Variants in EPB41L4A observed in about 807,000 individuals in gnomAD.
EPB41L4A encodes the protein band 4.1-like protein 4A.
Under a neutral mutation model 108.6 loss-of-function variants are expected in EPB41L4A, and 100 were observed. That is an observed-to-expected ratio of 0.92 (90% CI 0.78 to 1.09). The LOEUF is 1.09. Among genes scored for constraint, EPB41L4A ranks in the 50% least tolerant of loss-of-function variants. EPB41L4A has a pLI of 0.00. For synonymous variants in EPB41L4A, 319 were observed against 289.0 expected, an observed-to-expected ratio of 1.10 and a Z score of -1.05; for missense variants, 1,030 against 842.7, an observed-to-expected ratio of 1.22 and a Z score of -2.75.
intron 1 of EPB41L4A, among the ~76,000 whole-genome samples, chr5:112,407,856 A>T (rs1762159660): frequency 6.6e-6 from 1 of 152,246 alleles, no homozygotes; most frequent in East Asian, 1.9e-4. Context: ...ATATTTACTG[A>T]GCACCACCAC....
chr5:112,150,316 G>A (rs1759416480), intron 12 of EPB41L4A, among the ~76,000 whole-genome samples: 1 of 152,042 alleles, frequency 6.6e-6, no homozygotes, highest in Non-Finnish European at 1.5e-5. Context: ...TGGGCAACAA[G>A]TGACAGTCAG....
intron 1 of EPB41L4A, among the ~76,000 whole-genome samples, chr5:112,412,824 T>G (rs1762489990): frequency 6.6e-6 from 1 of 152,240 alleles, no homozygotes; most frequent in East Asian, 1.9e-4. Flanking sequence ...ATCTCTGACT[T>G]GTCATGTTTA....
At chr5:112,354,390 A>G (rs1454810208) in intron 1 of EPB41L4A, among the ~76,000 whole-genome samples, 3 of 152,122 alleles carry the variant, frequency 2.0e-5, no homozygotes, top group Admixed American at 2.0e-4. Flanking sequence ...AATAAGTAAT[A>G]AAGGGAAAAT....
intron 1 of EPB41L4A, among the ~76,000 whole-genome samples, chr5:112,389,238 T>C (rs995122744): frequency 1.3e-5 from 2 of 151,280 alleles, no homozygotes; most frequent in African/African-American, 4.9e-5. Context: ...TTTTAAATAT[T>C]TTTTAATGTA....
downstream of EPB41L4A, among the ~76,000 whole-genome samples, chr5:112,159,648 T>TGCATAACCGCC (rs1412597846): frequency 6.6e-6 from 1 of 152,204 alleles, no homozygotes; most frequent in Non-Finnish European, 1.5e-5. Flanking sequence ...CTCCAGATCT[T>TGCATAACCGCC]GCATAACCGC....
chr5:112,298,063 T>A (rs1754121376), intron 2 of EPB41L4A, among the ~76,000 whole-genome samples: 1 of 152,198 alleles, frequency 6.6e-6, no homozygotes, highest in Admixed American at 6.5e-5. Flanking sequence ...GGTAATATGA[T>A]GCCTCCAGCT....
intron 6 of EPB41L4A, 43 bp from the exon 7 acceptor site, chr5:112,262,624 T>C: frequency 6.7e-7 from 1 of 1,484,774 alleles, no homozygotes; most frequent in Non-Finnish European, 9.4e-7. Flanking sequence ...TTACAGCAGC[T>C]ACTGCACTTA....
chr5:112,266,993 T>C (rs1276159516), intron 4 of EPB41L4A, among the ~76,000 whole-genome samples: 2 of 152,178 alleles, frequency 1.3e-5, no homozygotes, highest in Admixed American at 1.3e-4. Context: ...AGGGGTGAAA[T>C]AACTTGTCCA....
rs1762367576 is a variant in EPB41L4A at position 112,204,413 on chromosome 5, A to C, written c.1338T>G (p.Cys446Trp). 1 of 1,613,730 alleles carries C rather than the reference A, an allele frequency of 6.2e-7. No homozygotes were observed. ...FPYTRRRNPS[C>W]GSDNDSVQPV... is the part of the protein sequence containing the mutation. The stretch of plus-strand genomic sequence containing the variant: ...GCTGTACAGAATCATTGTCACTTCC[A>C]CAGGAGGGGTTTCGGCGACGCGTGT... The change falls in exon 15 of 23, where the codon TGT becomes TGG. Residue 446 changes from cysteine (C) to tryptophan (W), a missense_variant. Transcript: ENST00000261486.
intron 14 of EPB41L4A, 189 bp from the exon 15 acceptor site, chr5:112,204,677 A>G (rs879682485): frequency 4.0e-5 from 18 of 448,436 alleles, no homozygotes; most frequent in Middle Eastern, 6.0e-4. Flanking sequence ...CAAATCATAA[A>G]GGTCATTATT....
At chr5:112,323,887 T>C (rs1352980893) in intron 1 of EPB41L4A, among the ~76,000 whole-genome samples, 1 of 152,214 alleles carries the variant, frequency 6.6e-6, no homozygotes, top group Admixed American at 6.5e-5. Context: ...ATTAGATTTC[T>C]CAAATGCAAC....
At chr5:112,242,843 A>G (rs1309343497) in intron 9 of EPB41L4A, among the ~76,000 whole-genome samples, 3 of 152,202 alleles carry the variant, frequency 2.0e-5, no homozygotes, top group African/African-American at 7.2e-5. Flanking sequence ...AACTAGGTGC[A>G]CTGTCAATGA....
chr5:112,285,357 C>A (rs919534445), intron 2 of EPB41L4A, among the ~76,000 whole-genome samples: 9 of 152,146 alleles, frequency 5.9e-5, no homozygotes, highest in African/African-American at 9.7e-5. Flanking sequence ...TATAACAGGT[C>A]ACTCCTGGGG....
intron 1 of EPB41L4A, among the ~76,000 whole-genome samples, chr5:112,395,286 A>G (rs1761253265): frequency 6.6e-6 from 1 of 152,252 alleles, no homozygotes; most frequent in Non-Finnish European, 1.5e-5. Context: ...AGCAAAAGAA[A>G]CTACCATCAG....
At chr5:112,226,844 C>T (rs1198408506) in intron 12 of EPB41L4A, among the ~76,000 whole-genome samples, 2 of 151,412 alleles carry the variant, frequency 1.3e-5, no homozygotes, top group Non-Finnish European at 2.9e-5. Flanking sequence ...TTGGTGTTTA[C>T]GGGGTATAGT....
chr5:112,355,663 G>A (rs1758317460), intron 1 of EPB41L4A, among the ~76,000 whole-genome samples: 1 of 152,134 alleles, frequency 6.6e-6, no homozygotes, highest in Admixed American at 6.5e-5. Context: ...ACTATGTTTT[G>A]CCGAAGAACA....
chr5:112,364,110 C>T (rs1758965420), intron 1 of EPB41L4A, among the ~76,000 whole-genome samples: 1 of 152,186 alleles, frequency 6.6e-6, no homozygotes. Context: ...TCACTGCAAA[C>T]TCTGCCTCCT....
At chr5:112,376,931 C>A (rs918778779) in intron 1 of EPB41L4A, among the ~76,000 whole-genome samples, 1 of 151,996 alleles carries the variant, frequency 6.6e-6, no homozygotes, top group Non-Finnish European at 1.5e-5. Context: ...TGGCTGGGTG[C>A]GGTGGCTCAT....
intron 1 of EPB41L4A, among the ~76,000 whole-genome samples, chr5:112,337,447 T>G (rs1348252647): frequency 2.0e-5 from 3 of 152,186 alleles, no homozygotes; most frequent in African/African-American, 7.2e-5. Flanking sequence ...TATTGAACAC[T>G]TAAGATGTTC....
Sources: gnomAD v4.1 joint callset for allele counts (sites outside exome capture counted in the v4.1 genomes callset) on GRCh38, gnomAD v4.1.1 for gene constraint, MANE v1.5 for transcripts, NCBI Gene and HGNC (gene_info 2026-07-23, HGNC 2026-07-21) for gene names.